Variants in SIK2 observed in about 807,000 individuals in gnomAD.
SIK2 encodes salt inducible kinase 2.
In SIK2, 29 loss-of-function variants were observed where a neutral mutation model predicts 103.2. The ratio of observed to expected loss-of-function variants is 0.28; its 90% CI spans 0.21 to 0.38. The LOEUF (loss-of-function observed/expected upper bound fraction) is 0.38. SIK2 is among the 10% of genes least tolerant of loss of function. The pLI is 1.00. For synonymous variants in SIK2, 412 were observed against 446.1 expected, an observed-to-expected ratio of 0.92 and a Z score of 0.96; for missense variants, 879 against 1,171.0, an observed-to-expected ratio of 0.75 and a Z score of 3.64.
chr11:111,634,197 TG>T (rs145882285), intron 3 of SIK2, among the ~76,000 whole-genome samples: 3,876 of 152,240 alleles, frequency 0.025, 166 homozygotes, highest in African/African-American at 0.087. Flanking sequence ...ATTCATTTCC[TG>T]TCTTTCTCTT....
intron 9 of SIK2, among the ~76,000 whole-genome samples, chr11:111,713,181 A>C (rs917496324): frequency 6.6e-5 from 9 of 136,794 alleles, no homozygotes; most frequent in Non-Finnish European, 1.5e-4. Context: ...TTAATAAATT[A>C]ATAAAAATAA....
At chr11:111,613,283 C>T (rs1941754120) in intron 1 of SIK2, among the ~76,000 whole-genome samples, 1 of 152,020 alleles carries the variant, frequency 6.6e-6, no homozygotes, top group Non-Finnish European at 1.5e-5. Flanking sequence ...AGGAATCATG[C>T]TGGGTTTTTA....
At chr11:111,635,579 A>G (rs1008173409) in intron 3 of SIK2, among the ~76,000 whole-genome samples, 1 of 152,240 alleles carries the variant, frequency 6.6e-6, no homozygotes, top group Non-Finnish European at 1.5e-5. Context: ...CTGTAAATCG[A>G]AGGAAATAAA....
chr11:111,697,294 AG>A (rs1399839384), intron 4 of SIK2, among the ~76,000 whole-genome samples: 2 of 152,236 alleles, frequency 1.3e-5, no homozygotes, highest in Non-Finnish European at 2.9e-5. Context: ...CACTTTTAAG[AG>A]GTGGGAACAA....
intron 3 of SIK2, among the ~76,000 whole-genome samples, chr11:111,644,513 T>C (rs1942230131): frequency 6.6e-6 from 1 of 152,154 alleles, no homozygotes; most frequent in Non-Finnish European, 1.5e-5. Flanking sequence ...TAAGCTTTAT[T>C]ATCATTACTA....
At chr11:111,670,130 C>T (rs1057224240) in intron 3 of SIK2, among the ~76,000 whole-genome samples, 1 of 152,172 alleles carries the variant, frequency 6.6e-6, no homozygotes, top group African/African-American at 2.4e-5. Flanking sequence ...ATCTATCCAA[C>T]ACTAGGTCTC....
At chr11:111,715,352 T>G (rs970712416) in intron 9 of SIK2, among the ~76,000 whole-genome samples, 8 of 152,240 alleles carry the variant, frequency 5.3e-5, no homozygotes, top group Admixed American at 3.3e-4. Context: ...AGTTCCCTTT[T>G]TATTGAGACT....
At chr11:111,712,462 A>G (rs1332927421) in intron 9 of SIK2, 87 bp downstream of exon 9, 1 of 1,402,928 alleles carries the variant, frequency 7.1e-7, no homozygotes, top group East Asian at 2.5e-5. Context: ...GGCTTTATTG[A>G]ACTTTATCAT....
Position 111,723,875 on chromosome 11 carries a change from C to A in SIK2, c.2527C>A (p.Gln843Lys), listed in dbSNP as rs149819706. 1 of 1,534,034 alleles carries A rather than the reference C, an allele frequency of 6.5e-7. No homozygotes were observed. Among genetic ancestry groups the A allele is most frequent in the Non-Finnish European group, 8.8e-7 (1 of 1,131,982 alleles). ...GCCAGGAGCTGCCCCAGCCCCCTTACAGTTCTCCTATCAGACTTGTGAGCT... is the reference window on the plus strand; with the variant it reads ...GCCAGGAGCTGCCCCAGCCCCCTTAAAGTTCTCCTATCAGACTTGTGAGCT... The part of the protein sequence containing the change: ...RQPGAAPAPL[Q>K]FSYQTCELPS... Residue 843 changes from glutamine to lysine, a missense_variant, in exon 15 of 15, where the codon CAG becomes AAG. This residue lies in a region of SIK2 where 375 missense variants were observed against 416.3 expected (regional missense o/e 0.90). Transcript: ENST00000304987.
At position 111,721,779 on chromosome 11, in the gene SIK2, CG is replaced by C. The variant is rs1943808448; in HGVS notation, c.1945-50del. ...AAGGTGCTTCAGCTAAGAACTGAGA[CG>C]TTTTTCCCCATGGGGAATTGAAAAT... On this transcript the variant is annotated intron_variant, in intron 12 of 14. Coordinates refer to ENST00000304987, the MANE Select transcript of SIK2 (RefSeq NM_015191.3). 5 of 1,430,818 alleles carry C rather than the reference CG, an allele frequency of 3.5e-6. No individual in the cohort carries two copies. The East Asian group carries it at 1.2e-4, about 33-fold the overall frequency. 88.6% of individuals were successfully genotyped at this position (1,430,818 alleles called of 1,614,324 possible). A position where few individuals can be genotyped will look rare whatever the true frequency, so the allele number is the denominator to read the frequency against.
chr11:111,719,180 C>CT (rs1175700014), intron 9 of SIK2, among the ~76,000 whole-genome samples: 1 of 152,140 alleles, frequency 6.6e-6, no homozygotes. Flanking sequence ...TTTTTCAATC[C>CT]TTTTTGTGGT....
rs1159792339 is a variant in SIK2 at position 111,722,669 on chromosome 11, C to T, written c.2060C>T (p.Pro687Leu). The T allele has an allele frequency of 6.2e-7, 1 of 1,613,774 alleles. No homozygotes were observed. The highest frequency in any genetic ancestry group is 8.5e-7 in the Non-Finnish European group (1 of 1,179,866). The change falls in exon 14 of 15, where the codon CCC becomes CTC. Residue 687 changes from proline (P) to leucine (L), a missense_variant. Coordinates refer to ENST00000304987, the MANE Select transcript of SIK2 (RefSeq NM_015191.3). This position sits in a 1 kb window ranked among gnomAD's most constrained non-coding sequence, Gnocchi z 4.4. ...GTTGTTTTTCTGCTCTTCCAGAAGC[C>T]CAGCCTTCTGTCAAAGGCCCAGAAC... ...TQYLQHRLQKPSLLSKAQNTC... is the reference protein window; with the variant it reads ...TQYLQHRLQKLSLLSKAQNTC...
At chr11:111,663,097 G>C (rs1942488874) in intron 3 of SIK2, among the ~76,000 whole-genome samples, 3 of 151,862 alleles carry the variant, frequency 2.0e-5, no homozygotes, top group Admixed American at 6.6e-5. Flanking sequence ...AGCCAGGTGT[G>C]GTGGTATGCG....
At chr11:111,667,596 A>G (rs1269455684) in intron 3 of SIK2, among the ~76,000 whole-genome samples, 1 of 150,762 alleles carries the variant, frequency 6.6e-6, no homozygotes, top group African/African-American at 2.4e-5. Context: ...GGCTCAAGCA[A>G]TTCTCCTGCC....
rs45586732 is a variant in SIK2, at chr11:111,723,833, C to T, written c.2485C>T (p.Pro829Ser). The T allele has an allele frequency of 1.2e-6, 2 of 1,613,616 alleles. No individual in the cohort carries two copies. The highest frequency in any genetic ancestry group is 1.1e-5 in the South Asian group (1 of 91,082). Residue 829 changes from proline to serine, a missense_variant, in exon 15 of 15, where the codon CCT (proline) becomes TCT (serine). Physicochemically the swap from Pro to Ser is moderately conservative, Grantham distance 74 (BLOSUM62 -1). This residue lies in a region of SIK2 where 375 missense variants were observed against 416.3 expected (regional missense o/e 0.90). Transcript: ENST00000304987. The stretch of plus-strand genomic sequence containing the variant: ...GCAGCAGCCGCCACCGCCACCACCC[C>T]CTCCACCACCACGACAGCCAGGAGC... ...QQQQPPPPPP[P>S]PPPRQPGAAP...
At chr11:111,712,476 G>A (rs1162197131) in intron 9 of SIK2, 101 bp downstream of exon 9, 10 of 1,267,390 alleles carry the variant, frequency 7.9e-6, no homozygotes, top group Admixed American at 2.4e-5. Context: ...TTATCATTTC[G>A]TTAAGTCACT....
chr11:111,711,770 C>T (rs1166350936), intron 8 of SIK2, among the ~76,000 whole-genome samples: 2 of 152,220 alleles, frequency 1.3e-5, no homozygotes, highest in Non-Finnish European at 2.9e-5. Flanking sequence ...CTGACTCCAG[C>T]GTCCCTTGTG....
intron 3 of SIK2, among the ~76,000 whole-genome samples, chr11:111,645,205 T>C (rs113969761): frequency 0.021 from 3,208 of 152,226 alleles, 74 homozygotes; most frequent in Middle Eastern, 0.054. Context: ...AGCAAATATA[T>C]CCTATGACCC....
chr11:111,725,663 G>C lies in SIK2; in HGVS notation c.*1534G>C, dbSNP rs894974489. ...AGCACAAAGAGAGGGACTAACTGAT[G>C]CTGCATCTAGAAAACACCTTTAAGT... On this transcript the variant is annotated 3_prime_UTR_variant, in exon 15 of 15. Transcript: ENST00000304987. The C allele has an allele frequency of 1.3e-5, 2 of 152,674 alleles. No homozygotes were observed. The highest frequency in any genetic ancestry group is 6.5e-5 in the Admixed American group (1 of 15,288). 9.5% of individuals were successfully genotyped at this position (152,674 alleles called of 1,614,324 possible).
Sources: allele counts gnomAD v4.1 joint callset (sites outside exome capture counted in the v4.1 genomes callset), GRCh38; gene constraint gnomAD v4.1.1; regional missense constraint gnomAD v4.1.1; non-coding constraint Gnocchi (gnomAD v3.1); transcripts MANE v1.5; gene names NCBI Gene and HGNC (gene_info 2026-07-23, HGNC 2026-07-21).